MCMBP: variants seen among roughly 807,000 people sequenced by gnomAD.
The protein encoded by MCMBP is minichromosome maintenance complex binding protein.
MCMBP carries 31 observed loss-of-function variants against 81.3 expected under a neutral mutation model. The ratio of observed to expected loss-of-function variants is 0.38; its 90% confidence interval spans 0.29 to 0.51. The LOEUF (loss-of-function observed/expected upper bound fraction) is 0.51, where lower values mean the gene tolerates loss of function less well. Among genes scored for constraint, MCMBP ranks in the 20% least tolerant of loss-of-function variants. The pLI is 0.87. For missense variants in MCMBP, 645 were observed against 772.1 expected (o/e 0.84, Z 1.95); for synonymous variants, 267 against 275.9 (o/e 0.97, Z 0.32).
intron 5 of MCMBP, among the ~76,000 whole-genome samples, chr10:119,855,361 G>A (rs1852997492): frequency 6.6e-6 from 1 of 152,160 alleles, no homozygotes; most frequent in Non-Finnish European, 1.5e-5. Flanking sequence ...TCAATAATCT[G>A]AGCATCTACT....
At chr10:119,847,758 A>T in intron 7 of MCMBP, 45 bp from the exon 8 acceptor site, 1 of 1,159,152 alleles carries the variant, frequency 8.6e-7, no homozygotes, top group South Asian at 1.3e-5. Flanking sequence ...ACAGACACAA[A>T]GCTTAAGATA....
Position 119,832,051 on chromosome 10 carries a change from A to G in MCMBP, c.1757T>C (p.Ile586Thr), listed in dbSNP as rs752488525. The change falls in exon 15 of 16, where the codon ATC becomes ACC. Residue 586 changes from isoleucine to threonine, a missense_variant. Ile to Thr is a moderately conservative substitution (Grantham distance 89). Coordinates refer to ENST00000369077, the MANE Select transcript of MCMBP (RefSeq NM_001256378.2). ...VEMRKNDPQS[I>T]TADDLHQLLV... ...CAGCTGGTGAAGATCATCAGCAGTG[A>G]TGCTCTGAGGGTCGTTCTTCCGCAT... is the stretch of plus-strand genomic sequence containing the variant. The G allele has an allele frequency of 6.2e-7, 1 of 1,613,406 alleles. No homozygotes were observed. The highest frequency in any genetic ancestry group is 8.5e-7 in the Non-Finnish European group (1 of 1,179,812).
intron 1 of MCMBP, among the ~76,000 whole-genome samples, chr10:119,861,141 A>G (rs1202349608): frequency 6.6e-6 from 1 of 152,186 alleles, no homozygotes; most frequent in African/African-American, 2.4e-5. Context: ...TAAAAAATAA[A>G]AAGTCTACAC....
At chr10:119,837,393 T>C (rs1208872434) in intron 12 of MCMBP, among the ~76,000 whole-genome samples, 13 of 152,222 alleles carry the variant, frequency 8.5e-5, no homozygotes. Flanking sequence ...ACAGATTTTA[T>C]ATTCCCCTTT....
At chr10:119,835,059 T>G (rs1342143795) in intron 14 of MCMBP, among the ~76,000 whole-genome samples, 2 of 152,126 alleles carry the variant, frequency 1.3e-5, no homozygotes, top group Non-Finnish European at 2.9e-5. Context: ...CATTTCTAAC[T>G]TTTTTCTCTA....
At chr10:119,866,818 C>T (rs919534321) in intron 1 of MCMBP, among the ~76,000 whole-genome samples, 2 of 152,014 alleles carry the variant, frequency 1.3e-5, no homozygotes, top group African/African-American at 4.8e-5. Context: ...AAAAAGTTAG[C>T]TGGGTGTGGT....
rs748178432 is a variant in MCMBP, at chr10:119,858,955, T to A, written c.286-30A>T. On this transcript the variant is annotated intron_variant, in intron 3 of 15. Coordinates refer to ENST00000369077, the MANE Select transcript of MCMBP (RefSeq NM_001256378.2). ...GACCCCAAACATAGAAAAACAGAAT[T>A]ATATCAATATATCTGAACCAAAACT... 3.0e-5 allele frequency: 48 copies of A among 1,607,370 alleles called. No homozygotes were observed. In the East Asian group the frequency reaches 1.0e-3, roughly 34 times the overall value.
In MCMBP at chr10:119,855,498, C is replaced by T. The variant is rs145669828; in HGVS notation, c.429+1840G>A. ...CAGCCTGGCCAACATGGTAAAACCC[C>T]GTCTCTATCAAAAATACAAAACAAT... On this transcript the variant is annotated intron_variant, in intron 5 of 15. Coordinates refer to ENST00000369077, the MANE Select transcript of MCMBP (RefSeq NM_001256378.2). Among the ~76,000 whole-genome samples, 313 of 152,170 alleles carry T rather than the reference C, an allele frequency of 2.1e-3. 3 individuals are homozygous for T. Among genetic ancestry groups the T allele is most frequent in the African/African-American group, 6.9e-3 (286 of 41,552 alleles).
Position 119,840,851 on chromosome 10 carries a change from C to A in MCMBP, c.1234G>T (p.Val412Phe). ...EHLYRIIQHL[V>F]PASFRLQMTI... ...ATTTATATTCATCTTACTGCTGGAA[C>A]AAGATGTTGAATAATTCGATACAAG... is the stretch of plus-strand genomic sequence containing the variant. The change falls in exon 11 of 16, where the codon GTT becomes TTT. Residue 412 changes from valine to phenylalanine, a missense_variant. Physicochemically the swap from Val to Phe is conservative, Grantham distance 50 (BLOSUM62 -1). Transcript: ENST00000369077. 1 of 1,581,310 alleles carries A rather than the reference C, an allele frequency of 6.3e-7. No individual in the cohort carries two copies. Among genetic ancestry groups the A allele is most frequent in the Non-Finnish European group, 8.6e-7 (1 of 1,161,568 alleles).
chr10:119,863,117 A>G (rs963029118), intron 1 of MCMBP, among the ~76,000 whole-genome samples: 1 of 152,140 alleles, frequency 6.6e-6, no homozygotes, highest in Non-Finnish European at 1.5e-5. Flanking sequence ...CATGCTCCTA[A>G]TAGAATTTTT....
At chr10:119,854,576 T>C in intron 5 of MCMBP, among the ~76,000 whole-genome samples, 1 of 118,444 alleles carries the variant, frequency 8.4e-6, no homozygotes, top group Non-Finnish European at 1.8e-5. Context: ...AATAAATAAA[T>C]AAAACAAAAT....
chr10:119,849,377 C>T (rs776001242), intron 7 of MCMBP, 48 bp downstream of exon 7: 2 of 1,573,934 alleles, frequency 1.3e-6, no homozygotes, highest in Middle Eastern at 1.7e-4. Flanking sequence ...AAGCTACTTT[C>T]TGAGACACAT....
At chr10:119,840,661 C>CA (rs1035474488) in intron 11 of MCMBP, among the ~76,000 whole-genome samples, 182 bp downstream of exon 11, 21 of 151,500 alleles carry the variant, frequency 1.4e-4, no homozygotes, top group African/African-American at 4.6e-4. Context: ...GGCAAAAAGA[C>CA]AAAAAAAAGT....
At chr10:119,854,243 T>C (rs938012525) in intron 5 of MCMBP, among the ~76,000 whole-genome samples, 5 of 151,922 alleles carry the variant, frequency 3.3e-5, no homozygotes, top group African/African-American at 9.7e-5. Context: ...AGTATTGCCA[T>C]GTTGGCCAGG....
Position 119,835,516 on chromosome 10 carries a change from T to C in MCMBP, c.1707+24A>G, listed in dbSNP as rs772280940. 2.5e-6 allele frequency: 4 copies of C among 1,592,438 alleles called. No individual in the cohort carries two copies. In the Admixed American group the frequency reaches 6.9e-5, roughly 27 times the overall value. On this transcript the variant is annotated intron_variant, in intron 14 of 15. Transcript: ENST00000369077. Reference sequence around the variant, plus strand: ...CATACTGCAATTCAACACAGGGAAATCCTTTATTTTAACCTAGACATACCT... The same window carrying C: ...CATACTGCAATTCAACACAGGGAAACCCTTTATTTTAACCTAGACATACCT...
chr10:119,841,025 A>G, intron 10 of MCMBP, 65 bp from the exon 11 acceptor site: 2 of 924,842 alleles, frequency 2.2e-6, no homozygotes, highest in Non-Finnish European at 3.4e-6. Context: ...TCAAATAGCG[A>G]AGAATAGAAA....
intron 5 of MCMBP, 51 bp downstream of exon 5, chr10:119,857,287 C>T: frequency 7.7e-7 from 1 of 1,299,570 alleles, no homozygotes; most frequent in East Asian, 2.4e-5. Flanking sequence ...TAATTAAAGG[C>T]TAAGTTTTTA....
intron 8 of MCMBP, among the ~76,000 whole-genome samples, chr10:119,846,719 T>C (rs968633646): frequency 6.6e-6 from 1 of 152,066 alleles, no homozygotes; most frequent in Non-Finnish European, 1.5e-5. Flanking sequence ...AGTCTAACCA[T>C]GAGGAAACAA....
At chr10:119,865,908 T>A (rs1253472213) in intron 1 of MCMBP, among the ~76,000 whole-genome samples, 1 of 151,530 alleles carries the variant, frequency 6.6e-6, no homozygotes, top group Non-Finnish European at 1.5e-5. Context: ...AGACCCCAAA[T>A]CTACAAAAAA....
Sources: allele counts gnomAD v4.1 joint callset (sites outside exome capture counted in the v4.1 genomes callset), GRCh38; gene constraint gnomAD v4.1.1; transcripts MANE v1.5; gene names NCBI Gene and HGNC (gene_info 2026-07-23, HGNC 2026-07-21).